The following ABCC11 variants were observed in gnomAD, a reference collection of about 807,000 sequenced individuals.
The protein encoded by ABCC11 is ATP binding cassette subfamily C member 11, also known as ATP-binding cassette sub-family C member 11.
In ABCC11, 135 loss-of-function variants were observed where a neutral mutation model predicts 149.3. The ratio of observed to expected loss-of-function variants is 0.90; its 90% confidence interval spans 0.79 to 1.04. The LOEUF is 1.04. Among genes scored for constraint, ABCC11 ranks in the 50% least tolerant of loss-of-function variants. ABCC11 has a pLI of 0.00. For missense variants in ABCC11, 1,680 were observed against 1,722.1 expected (o/e 0.98, Z 0.43); for synonymous variants, 665 against 671.4 (o/e 0.99, Z 0.15).
At chr16:48,227,750 T>A (rs1970167796) in intron 4 of ABCC11, 56 bp downstream of exon 4, 5 of 1,608,968 alleles carry the variant, frequency 3.1e-6, no homozygotes, top group Non-Finnish European at 4.3e-6. Context: ...CTGGTCATTA[T>A]CCCACCAAGA....
At chr16:48,206,707 G>T (rs986142911) in intron 12 of ABCC11, among the ~76,000 whole-genome samples, 1 of 152,204 alleles carries the variant, frequency 6.6e-6, no homozygotes, top group African/African-American at 2.4e-5. Context: ...GAGGCTGCCA[G>T]GCAATGCTGC....
At chr16:48,209,797 C>T (rs1463138635) in intron 11 of ABCC11, 1 of 151,928 alleles carries the variant, frequency 6.6e-6, no homozygotes. Flanking sequence ...ACAACTCCTC[C>T]GTCTAACCAA....
At chr16:48,231,974 A>G (rs1970449253) in intron 1 of ABCC11, 35 bp from the exon 2 acceptor site, 1 of 1,612,240 alleles carries the variant, frequency 6.2e-7, no homozygotes, top group African/African-American at 1.3e-5. Context: ...ATGAAAAGAC[A>G]GCAGGAGTTA....
At chr16:48,227,380 A>G (rs1180089212) in intron 4 of ABCC11, among the ~76,000 whole-genome samples, 1 of 151,660 alleles carries the variant, frequency 6.6e-6, no homozygotes, top group Non-Finnish European at 1.5e-5. Flanking sequence ...AGGCTGAGGC[A>G]GGAGACTCAC....
intron 14 of ABCC11, among the ~76,000 whole-genome samples, chr16:48,201,921 C>T (rs1968016277): frequency 6.6e-6 from 1 of 152,194 alleles, no homozygotes. Flanking sequence ...CTGTTCTATC[C>T]TGACTGCTTG....
rs758657931 is a variant in ABCC11, at chr16:48,208,489, A to T, written c.1616T>A (p.Met539Lys). Residue 539 changes from methionine to lysine, a missense_variant, in exon 12 of 30, where the codon ATG becomes AAG. Coordinates refer to ENST00000356608, the MANE Select transcript of ABCC11 (RefSeq NM_001370497.1). ...CCCCGTGTTGCCGCAGACCCCTAAC[A>T]TCATCCCCTGCAAGCCAAGGAGGAC... ...KINLVVSKGM[M>K]LGVCGNTGSG... The T allele has an allele frequency of 1.2e-6, 2 of 1,614,114 alleles. No individual in the cohort carries two copies. Among genetic ancestry groups the T allele is most frequent in the Non-Finnish European group, 1.7e-6 (2 of 1,179,996 alleles).
Position 48,227,854 on chromosome 16 carries a change from G to C in ABCC11, c.347C>G (p.Thr116Ser), listed in dbSNP as rs891132916. The C allele has an allele frequency of 3.1e-6, 5 of 1,614,100 alleles. No individual in the cohort carries two copies. The highest frequency in any genetic ancestry group is 1.7e-5 in the Admixed American group (1 of 60,010). The change falls in exon 4 of 30, where the codon ACC becomes AGC. Residue 116 changes from threonine (T) to serine (S), a missense_variant. Physicochemically the swap from Thr to Ser is moderately conservative, Grantham distance 58. Coordinates refer to ENST00000356608, the MANE Select transcript of ABCC11 (RefSeq NM_001370497.1). ...QSLRSRLDEN[T>S]IPPLSVHDAS... ...ATCATGGACTGACAGTGGAGGGATG[G>C]TGTTCTCATCTAAGCGACTCCGTAA... is the stretch of plus-strand genomic sequence containing the variant.
rs1020990116 is a variant in ABCC11, at chr16:48,227,870, G to T, written c.331C>A (p.Arg111Ser). The T allele has an allele frequency of 2.5e-6, 4 of 1,613,936 alleles. No individual in the cohort carries two copies. The African/African-American group carries it at 5.3e-5, about 22-fold the overall frequency. The change falls in exon 4 of 30, where the codon CGC becomes AGC. Residue 111 changes from arginine to serine, a missense_variant. Physicochemically the swap from Arg to Ser is moderately radical, Grantham distance 110. Transcript: ENST00000356608. ...GGAGGGATGGTGTTCTCATCTAAGC[G>T]ACTCCGTAAGCTTTGGATCATGAGC... Reference protein sequence around the residue: ...TPLMIQSLRSRLDENTIPPLS... With the variant: ...TPLMIQSLRSSLDENTIPPLS...
intron 6 of ABCC11, among the ~76,000 whole-genome samples, chr16:48,218,142 A>T (rs1478993449): frequency 2.0e-5 from 3 of 152,074 alleles, no homozygotes; most frequent in African/African-American, 7.2e-5. Context: ...AAAAAAAATT[A>T]AAAATTAGCC....
intron 26 of ABCC11, among the ~76,000 whole-genome samples, chr16:48,171,718 C>T (rs752969227): frequency 4.8e-4 from 73 of 152,314 alleles, no homozygotes; most frequent in Non-Finnish European, 9.7e-4. Flanking sequence ...AATCCCAGCA[C>T]TTTGGGAGGC....
intron 2 of ABCC11, among the ~76,000 whole-genome samples, 193 bp downstream of exon 2, chr16:48,231,630 T>C (rs574360337): frequency 8.4e-5 from 12 of 143,638 alleles, no homozygotes; most frequent in Middle Eastern, 4.2e-3. Context: ...CACTGTACTC[T>C]AGCCTGGGTG....
At chr16:48,232,827 T>C (rs547329473) in intron 1 of ABCC11, among the ~76,000 whole-genome samples, 1 of 152,318 alleles carries the variant, frequency 6.6e-6, no homozygotes, top group South Asian at 2.1e-4. Flanking sequence ...AAGACCCACA[T>C]TTTCATTTTC....
chr16:48,235,439 G>A (rs1970639381), intron 1 of ABCC11, among the ~76,000 whole-genome samples: 4 of 152,178 alleles, frequency 2.6e-5, no homozygotes, highest in South Asian at 2.1e-4. Context: ...GGAAACTAAC[G>A]ACATGGAAAA....
intron 2 of ABCC11, 114 bp from the exon 3 acceptor site, chr16:48,230,687 A>G: frequency 8.3e-7 from 1 of 1,208,026 alleles, no homozygotes; most frequent in East Asian, 2.8e-5. Context: ...CTGCTTCCTA[A>G]AGAAAGGCTT....
chr16:48,182,365 A>G (rs1343345762), intron 23 of ABCC11, among the ~76,000 whole-genome samples: 1 of 152,132 alleles, frequency 6.6e-6, no homozygotes, highest in Non-Finnish European at 1.5e-5. Context: ...CTGGGAGTGC[A>G]ATAACAGCTG....
At chr16:48,190,440 C>T (rs1240451323) in intron 20 of ABCC11, among the ~76,000 whole-genome samples, 3 of 151,976 alleles carry the variant, frequency 2.0e-5, no homozygotes, top group African/African-American at 7.3e-5. Context: ...AGCTCACTGC[C>T]ACCTCCACCT....
At position 48,243,273 on chromosome 16, in the gene ABCC11, T is replaced by C. The variant is rs113449465; in HGVS notation, c.-19+4041A>G. On this transcript the variant is annotated intron_variant, in intron 1 of 29. Transcript: ENST00000356608. ...AAAATTAGCCGGGCGTGGTTGCGGG[T>C]GCCTGTAGTCCCCAGCTACTCGGGA... Among the ~76,000 whole-genome samples, 15 of 151,400 alleles carry C rather than the reference T, an allele frequency of 9.9e-5. No homozygotes were observed. In the East Asian group the frequency reaches 1.6e-3, roughly 16 times the overall value.
chr16:48,244,270 G>C (rs1288581841), intron 1 of ABCC11: 26 of 701,104 alleles, frequency 3.7e-5, no homozygotes, highest in Non-Finnish European at 5.6e-5. Flanking sequence ...ACGGACCGTA[G>C]CGCGTAGCCG....
intron 3 of ABCC11, among the ~76,000 whole-genome samples, chr16:48,228,732 A>G (rs1055161254): frequency 3.2e-4 from 48 of 152,354 alleles, no homozygotes; most frequent in African/African-American, 1.1e-3. Context: ...TGGAGTTGAC[A>G]AAGAAATAGG....
Sources: gnomAD v4.1 joint callset for allele counts (sites outside exome capture counted in the v4.1 genomes callset) on GRCh38, gnomAD v4.1.1 for gene constraint, MANE v1.5 for transcripts, NCBI Gene and HGNC (gene_info 2026-07-23, HGNC 2026-07-21) for gene names.